XKR9: variants seen among roughly 807,000 people sequenced by gnomAD.
XKR9 encodes the protein XK-related protein 9.
A neutral mutation model predicts 32.0 loss-of-function variants in XKR9; 32 were observed. The observed-to-expected ratio is 1.00, with a 90% CI of 0.76 to 1.34. The LOEUF is 1.34. Among genes scored for constraint, XKR9 ranks in the 40% most tolerant of loss-of-function variants. XKR9 has a pLI of 0.00. For missense variants in XKR9, 546 were observed against 429.7 expected, an observed-to-expected ratio of 1.27 and a Z score of -2.39; for synonymous variants, 168 against 143.4, an observed-to-expected ratio of 1.17 and a Z score of -1.22.
At chr8:70,682,316 T>G (rs1317867614) in intron 3 of XKR9, among the ~76,000 whole-genome samples, 1 of 152,200 alleles carries the variant, frequency 6.6e-6, no homozygotes, top group Non-Finnish European at 1.5e-5. Flanking sequence ...ATTATGTAGT[T>G]GTAATATTGA....
the XKR9 span, among the ~76,000 whole-genome samples, chr8:70,971,861 G>A: frequency 3.9e-5 from 6 of 151,990 alleles, no homozygotes; most frequent in Non-Finnish European, 8.8e-5. Context: ...TGGTGACTAT[G>A]GCCTTATAGT....
At chr8:70,842,670 A>G in the XKR9 span, among the ~76,000 whole-genome samples, 1 of 152,112 alleles carries the variant, frequency 6.6e-6, no homozygotes, top group Admixed American at 6.6e-5. Context: ...CATTATCATT[A>G]ATTTGCCTAA....
At chr8:70,880,140 G>C in the XKR9 span, among the ~76,000 whole-genome samples, 2 of 151,920 alleles carry the variant, frequency 1.3e-5, no homozygotes, top group Non-Finnish European at 2.9e-5. Flanking sequence ...AATAAGAGCT[G>C]TTTATGACAC....
the XKR9 span, among the ~76,000 whole-genome samples, chr8:71,009,676 G>A: frequency 6.6e-6 from 1 of 152,124 alleles, no homozygotes; most frequent in Non-Finnish European, 1.5e-5. Flanking sequence ...GAGTGCTGAG[G>A]GAAGCAGTTC....
intron 4 of XKR9, among the ~76,000 whole-genome samples, chr8:70,725,375 T>G (rs756950069): frequency 6.6e-6 from 1 of 152,184 alleles, no homozygotes; most frequent in East Asian, 1.9e-4. Context: ...TGTGTTAACA[T>G]TTCCTCTTTC....
At chr8:70,687,680 TA>T (rs1202317827) in intron 3 of XKR9, among the ~76,000 whole-genome samples, 2 of 152,196 alleles carry the variant, frequency 1.3e-5, no homozygotes, top group African/African-American at 4.8e-5. Flanking sequence ...CAGTTCAAAA[TA>T]TTTTTTAGCT....
At chr8:70,900,685 A>G in the XKR9 span, among the ~76,000 whole-genome samples, 10 of 152,226 alleles carry the variant, frequency 6.6e-5, no homozygotes, top group Non-Finnish European at 1.5e-4. Flanking sequence ...TTATACTTTA[A>G]GTTCTAGGGT....
chr8:70,854,900 T>C, the XKR9 span, among the ~76,000 whole-genome samples: 24 of 152,352 alleles, frequency 1.6e-4, no homozygotes, highest in African/African-American at 5.0e-4. Flanking sequence ...TTGATACCAG[T>C]ACCATGCTGT....
At chr8:70,828,587 A>T in the XKR9 span, among the ~76,000 whole-genome samples, 1 of 152,070 alleles carries the variant, frequency 6.6e-6, no homozygotes, top group Non-Finnish European at 1.5e-5. Context: ...AGCCAGGTGC[A>T]GTGGCACGCA....
the XKR9 span, among the ~76,000 whole-genome samples, chr8:70,895,435 C>T: frequency 6.6e-6 from 1 of 152,126 alleles, no homozygotes; most frequent in African/African-American, 2.4e-5. Flanking sequence ...TGATGTCACT[C>T]TCTCTTAATT....
intron 2 of XKR9, among the ~76,000 whole-genome samples, chr8:70,758,473 C>A (rs996497550): frequency 1.3e-5 from 2 of 152,194 alleles, no homozygotes; most frequent in African/African-American, 4.8e-5. Flanking sequence ...AGGGCTCCTT[C>A]CAGCTGTCTT....
chr8:70,826,810 A>G, the XKR9 span, among the ~76,000 whole-genome samples: 1 of 152,192 alleles, frequency 6.6e-6, no homozygotes, highest in Admixed American at 6.5e-5. Flanking sequence ...TCTGCTCTCA[A>G]CATATTATTA....
chr8:70,931,954 C>A, the XKR9 span, among the ~76,000 whole-genome samples: 1 of 152,134 alleles, frequency 6.6e-6, no homozygotes, highest in African/African-American at 2.4e-5. Flanking sequence ...TTGGAGGAGA[C>A]ATACATCCTA....
the XKR9 span, among the ~76,000 whole-genome samples, chr8:71,042,470 C>T: frequency 1.3e-5 from 2 of 152,100 alleles, no homozygotes; most frequent in African/African-American, 4.8e-5. Flanking sequence ...CCTCAGTTTA[C>T]TCATCTGTAA....
chr8:70,818,778 C>T, the XKR9 span, among the ~76,000 whole-genome samples: 1 of 152,110 alleles, frequency 6.6e-6, no homozygotes, highest in Non-Finnish European at 1.5e-5. Context: ...CATACCTCTG[C>T]TAAGTCATTA....
At chr8:70,831,435 A>C in the XKR9 span, among the ~76,000 whole-genome samples, 2 of 152,144 alleles carry the variant, frequency 1.3e-5, no homozygotes, top group Non-Finnish European at 2.9e-5. Context: ...TTTACATTTA[A>C]GTTTCTCTCG....
chr8:70,746,942 C>T (rs1033062688), intron 2 of XKR9, among the ~76,000 whole-genome samples: 14 of 152,150 alleles, frequency 9.2e-5, no homozygotes, highest in African/African-American at 3.4e-4. Context: ...TTGGAATCCC[C>T]AGTGTTTATT....
chr8:70,700,049 C>A (rs528460950), intron 3 of XKR9, among the ~76,000 whole-genome samples: 1 of 152,130 alleles, frequency 6.6e-6, no homozygotes, highest in East Asian at 1.9e-4. Flanking sequence ...CCTTTAAGCA[C>A]TCTCTGTATT....
At position 70,735,521 on chromosome 8, in the gene XKR9, G is replaced by A. The variant is rs894775033; in HGVS notation, c.*1097G>A. ...GTACATGTGCACAATGTGCAGGTTA[G>A]TTACATATGTATACATGTGCCATGC... On this transcript the variant is annotated 3_prime_UTR_variant, in exon 5 of 5. Coordinates refer to ENST00000408926, the MANE Select transcript of XKR9 (RefSeq NM_001011720.2). The A allele has an allele frequency of 6.6e-6, 1 of 151,004 alleles. No individual in the cohort carries two copies. Among genetic ancestry groups the A allele is most frequent in the Non-Finnish European group, 1.5e-5 (1 of 67,764 alleles). 9.4% of individuals were successfully genotyped at this position (151,004 alleles called of 1,614,324 possible). A position where few individuals can be genotyped will look rare whatever the true frequency, so the allele number is the denominator to read the frequency against.
Sources: gnomAD v4.1 joint callset for allele counts (sites outside exome capture counted in the v4.1 genomes callset) on GRCh38, gnomAD v4.1.1 for gene constraint, MANE v1.5 for transcripts, NCBI Gene and HGNC (gene_info 2026-07-23, HGNC 2026-07-21) for gene names.